RBM19: variants seen among roughly 807,000 people sequenced by gnomAD.
RBM19 encodes the protein RNA binding motif protein 19, also known as probable RNA-binding protein 19.
RBM19 carries 94 observed loss-of-function variants against 116.8 expected under a neutral mutation model. That is an observed-to-expected ratio of 0.80 (90% CI 0.68 to 0.95). The LOEUF (loss-of-function observed/expected upper bound fraction) is 0.95. Among genes scored for constraint, RBM19 ranks in the 40% least tolerant of loss-of-function variants. The pLI, the probability that RBM19 is intolerant of heterozygous loss-of-function variation, is 0.00. For missense variants in RBM19, 1,161 were observed against 1,220.7 expected (o/e 0.95, Z 0.73); for synonymous variants, 475 against 494.1 (o/e 0.96, Z 0.51).
chr12:113,912,836 T>C (rs1882526962), intron 21 of RBM19, among the ~76,000 whole-genome samples: 1 of 152,176 alleles, frequency 6.6e-6, no homozygotes, highest in Non-Finnish European at 1.5e-5. Context: ...TCTGAAATCC[T>C]GTCTGGGGCT....
chr12:113,926,435 C>T (rs1869079405), intron 17 of RBM19, among the ~76,000 whole-genome samples: 1 of 152,154 alleles, frequency 6.6e-6, no homozygotes, highest in Admixed American at 6.5e-5. Context: ...AAACAGTCTC[C>T]TGAGGGAGGT....
At chr12:113,928,253 C>T (rs1251195164) in intron 16 of RBM19, among the ~76,000 whole-genome samples, 3 of 152,142 alleles carry the variant, frequency 2.0e-5, no homozygotes, top group Admixed American at 6.5e-5. Context: ...ACAAGAATTG[C>T]TCGAACCTGG....
At chr12:113,908,349 T>G (rs1882203743) in intron 21 of RBM19, among the ~76,000 whole-genome samples, 1 of 150,952 alleles carries the variant, frequency 6.6e-6, no homozygotes, top group Non-Finnish European at 1.5e-5. Context: ...GGAGCATGAG[T>G]GAGCAAGCTG....
At chr12:113,856,580 C>T (rs1877919959) in intron 22 of RBM19, among the ~76,000 whole-genome samples, 1 of 152,202 alleles carries the variant, frequency 6.6e-6, no homozygotes, top group Non-Finnish European at 1.5e-5. Flanking sequence ...ATCCCCTCCA[C>T]CTCTGACAAG....
At chr12:113,895,289 A>AGTGT (rs998901430) in intron 21 of RBM19, among the ~76,000 whole-genome samples, 1 of 152,030 alleles carries the variant, frequency 6.6e-6, no homozygotes, top group African/African-American at 2.4e-5. Context: ...GGCGGGAGAG[A>AGTGT]GTGTGTGTCA....
At chr12:113,847,971 T>C (rs984908790) in intron 22 of RBM19, among the ~76,000 whole-genome samples, 1 of 152,172 alleles carries the variant, frequency 6.6e-6, no homozygotes, top group African/African-American at 2.4e-5. Flanking sequence ...GGTGGTGGCA[T>C]GGCAGTTTAG....
At chr12:113,913,755 C>T (rs1341918612) in intron 21 of RBM19, among the ~76,000 whole-genome samples, 1 of 152,186 alleles carries the variant, frequency 6.6e-6, no homozygotes, top group East Asian at 1.9e-4. Flanking sequence ...ACTCTTGGAC[C>T]CTTGTGCAAG....
chr12:113,917,294 C>G (rs1882825704), intron 20 of RBM19, among the ~76,000 whole-genome samples: 1 of 152,356 alleles, frequency 6.6e-6, no homozygotes, highest in African/African-American at 2.4e-5. Context: ...ATGGGCACTG[C>G]AAGTGCTGGA....
intron 9 of RBM19, 104 bp from the exon 10 acceptor site, chr12:113,949,140 A>C: frequency 2.7e-6 from 3 of 1,091,426 alleles, no homozygotes; most frequent in Non-Finnish European, 4.0e-6. Context: ...AAAAAACACA[A>C]TCAAGGTGGC....
Position 113,914,323 on chromosome 12 carries a change from G to A in RBM19, c.2558+646C>T, listed in dbSNP as rs115953606. Among the ~76,000 whole-genome samples the A allele has an allele frequency of 4.1e-3, 630 of 152,324 alleles. 9 individuals are homozygous for A. The highest frequency in any genetic ancestry group is 0.014 in the African/African-American group (591 of 41,578). On this transcript the variant is annotated intron_variant, in intron 21 of 23. Transcript: ENST00000261741. ...CTGCCGTTACCGGCTGGGTCCCTGCGACAGCTGCATTTTCCACCCCTGTGC... is the reference window on the plus strand; with the variant it reads ...CTGCCGTTACCGGCTGGGTCCCTGCAACAGCTGCATTTTCCACCCCTGTGC...
At chr12:113,848,163 G>A (rs1050781759) in intron 22 of RBM19, among the ~76,000 whole-genome samples, 11 of 152,200 alleles carry the variant, frequency 7.2e-5, no homozygotes, top group Non-Finnish European at 1.5e-5. Context: ...TTAGAACACT[G>A]GCACATAACA....
At chr12:113,964,525 T>C (rs919129754) in intron 1 of RBM19, among the ~76,000 whole-genome samples, 1 of 152,216 alleles carries the variant, frequency 6.6e-6, no homozygotes, top group African/African-American at 2.4e-5. Context: ...GCAGCCACGC[T>C]AAAAATCCTC....
chr12:113,849,999 C>T (rs2135726463), intron 22 of RBM19, among the ~76,000 whole-genome samples: 1 of 152,328 alleles, frequency 6.6e-6, no homozygotes, highest in East Asian at 1.9e-4. Flanking sequence ...CCCTGCAGGG[C>T]TATAGCTCCT....
intron 13 of RBM19, 121 bp from the exon 14 acceptor site, chr12:113,942,555 A>ACCTTCCT: frequency 1.4e-6 from 1 of 714,380 alleles, no homozygotes; most frequent in East Asian, 2.8e-5. Context: ...GATGCCGCTC[A>ACCTTCCT]CCTTCCTACA....
intron 17 of RBM19, 134 bp downstream of exon 17, chr12:113,926,920 G>T: frequency 9.8e-7 from 1 of 1,021,480 alleles, no homozygotes; most frequent in Non-Finnish European, 1.4e-6. Context: ...GGTCAAGTAG[G>T]TGGTGCTGGT....
At chr12:113,823,457 C>T (rs952835602) in intron 23 of RBM19, 136 bp from the exon 24 acceptor site, 13 of 687,612 alleles carry the variant, frequency 1.9e-5, no homozygotes, top group South Asian at 3.6e-5. Flanking sequence ...AGAACAGAAG[C>T]GAGAGAATGC....
rs953582147 is a variant in RBM19 at position 113,898,043 on chromosome 12, G to A, written c.2558+16926C>T. ...TTTCAACCACAGGTGGGCTTGGCTG[G>A]GAAAAAGATCTACAGGTCTAAGTGA... On this transcript the variant is annotated intron_variant, in intron 21 of 23. Coordinates refer to ENST00000261741, the MANE Select transcript of RBM19 (RefSeq NM_016196.4). This position sits in a 1 kb window ranked among gnomAD's most constrained non-coding sequence, Gnocchi z 4.3. 1.3e-5 allele frequency among the ~76,000 whole-genome samples: 2 copies of A among 152,124 alleles called. No individual in the cohort carries two copies. Among genetic ancestry groups the A allele is most frequent in the Non-Finnish European group, 2.9e-5 (2 of 68,024 alleles).
At position 113,905,906 on chromosome 12, in the gene RBM19, C is replaced by T. The variant is rs7313345; in HGVS notation, c.2558+9063G>A. Among the ~76,000 whole-genome samples the T allele has an allele frequency of 8.3e-3, 1,264 of 152,244 alleles. 13 individuals are homozygous for T. Among genetic ancestry groups the T allele is most frequent in the African/African-American group, 0.029 (1,205 of 41,534 alleles). On this transcript the variant is annotated intron_variant, in intron 21 of 23. Coordinates refer to ENST00000261741, the MANE Select transcript of RBM19 (RefSeq NM_016196.4). Reference sequence around the variant, plus strand: ...GGAAGCACAGATTAGAACCATAATACAGTAATACCACTGTAGCCATTATCC... The same window carrying T: ...GGAAGCACAGATTAGAACCATAATATAGTAATACCACTGTAGCCATTATCC...
intron 21 of RBM19, among the ~76,000 whole-genome samples, chr12:113,890,777 G>C (rs1223577442): frequency 6.6e-6 from 1 of 152,200 alleles, no homozygotes; most frequent in Non-Finnish European, 1.5e-5. Flanking sequence ...CAATGCAAAT[G>C]GATGTGCCTG....
Sources: allele counts gnomAD v4.1 joint callset (sites outside exome capture counted in the v4.1 genomes callset), GRCh38; gene constraint gnomAD v4.1.1; non-coding constraint Gnocchi (gnomAD v3.1); transcripts MANE v1.5; gene names NCBI Gene and HGNC (gene_info 2026-07-23, HGNC 2026-07-21).